Variants in CWF19L2 observed in about 807,000 individuals in gnomAD.
The protein encoded by CWF19L2 is CWF19-like protein 2.
A neutral mutation model predicts 111.7 loss-of-function variants in CWF19L2; 98 were observed. That is an observed-to-expected ratio of 0.88 (90% CI 0.75 to 1.04). CWF19L2 has a LOEUF of 1.04. Among genes scored for constraint, CWF19L2 ranks in the 50% least tolerant of loss-of-function variants. CWF19L2 has a pLI of 0.00. For synonymous variants in CWF19L2, 351 were observed against 342.9 expected (o/e 1.02, Z -0.26); for missense variants, 1,101 against 1,051.4 (o/e 1.05, Z -0.65).
At chr11:107,346,774 T>TA (rs1182186120) in intron 14 of CWF19L2, among the ~76,000 whole-genome samples, 5 of 152,204 alleles carry the variant, frequency 3.3e-5, no homozygotes, top group Non-Finnish European at 7.4e-5. Context: ...AAAGGTTACT[T>TA]AATGTCCGTA....
intron 3 of CWF19L2, among the ~76,000 whole-genome samples, chr11:107,445,360 C>T (rs1861686317): frequency 6.6e-6 from 1 of 152,146 alleles, no homozygotes; most frequent in Admixed American, 6.5e-5. Context: ...AATCCCAACA[C>T]TTTGGGAGGC....
intron 10 of CWF19L2, among the ~76,000 whole-genome samples, chr11:107,409,995 A>G (rs979973222): frequency 6.1e-4 from 93 of 152,142 alleles, no homozygotes; most frequent in Non-Finnish European, 2.2e-4. Flanking sequence ...CCCTCTAAAG[A>G]AGAGGGATAA....
At chr11:107,337,287 T>C (rs1014615479) in intron 14 of CWF19L2, among the ~76,000 whole-genome samples, 1 of 152,090 alleles carries the variant, frequency 6.6e-6, no homozygotes, top group Non-Finnish European at 1.5e-5. Context: ...TGAAAAGTAA[T>C]AGGGTTTTCT....
At chr11:107,339,999 G>A (rs985173799) in intron 14 of CWF19L2, among the ~76,000 whole-genome samples, 7 of 151,928 alleles carry the variant, frequency 4.6e-5, no homozygotes, top group African/African-American at 1.7e-4. Context: ...TCACTGTTTT[G>A]ACATTCTAGA....
Position 107,429,226 on chromosome 11 carries a change from C to T in CWF19L2, c.1006G>A (p.Glu336Lys). ...AAAGACCCAGGTCTCTTATCTTTTT[C>T]ATCACCAATAAATTTTTCATTATTG... ...NSNNEKFIGD[E>K]KDKRPGSLET... The change falls in exon 8 of 18, where the codon GAA (glutamate) becomes AAA (lysine). Residue 336 changes from glutamate (E) to lysine (K), a missense_variant. Glu to Lys is a moderately conservative substitution (Grantham distance 56). Transcript: ENST00000282251. 1 of 1,612,578 alleles carries T rather than the reference C, an allele frequency of 6.2e-7. No homozygotes were observed. Among genetic ancestry groups the T allele is most frequent in the Non-Finnish European group, 8.5e-7 (1 of 1,179,526 alleles).
intron 12 of CWF19L2, among the ~76,000 whole-genome samples, chr11:107,356,135 C>T (rs1443981067): frequency 6.6e-6 from 1 of 151,950 alleles, no homozygotes; most frequent in Non-Finnish European, 1.5e-5. Context: ...CTAAATGACC[C>T]ATGAATCAAC....
intron 12 of CWF19L2, among the ~76,000 whole-genome samples, chr11:107,361,477 T>C (rs79396853): frequency 2.6e-4 from 40 of 152,374 alleles, no homozygotes; most frequent in East Asian, 1.2e-3. Context: ...TGGTTCCATA[T>C]GAATTTTAAT....
At chr11:107,333,021 C>T (rs908668020) in intron 16 of CWF19L2, among the ~76,000 whole-genome samples, 3 of 150,964 alleles carry the variant, frequency 2.0e-5, no homozygotes, top group East Asian at 2.0e-4. Flanking sequence ...AAGAGGCAGA[C>T]GCAGGAGAAT....
intron 10 of CWF19L2, among the ~76,000 whole-genome samples, chr11:107,397,557 C>T (rs1860942509): frequency 6.6e-6 from 1 of 151,952 alleles, no homozygotes; most frequent in Admixed American, 6.6e-5. Flanking sequence ...CTAGCCCCGC[C>T]CCCACCTGAT....
At chr11:107,337,367 T>TTGTG (rs5794537) in intron 14 of CWF19L2, among the ~76,000 whole-genome samples, 3,297 of 148,172 alleles carry the variant, frequency 0.022, 44 homozygotes, top group East Asian at 0.034. Flanking sequence ...GGTGTGTGTT[T>TTGTG]TGTGTGTGTG....
At chr11:107,343,144 T>C (rs1310006605) in intron 14 of CWF19L2, among the ~76,000 whole-genome samples, 1 of 152,226 alleles carries the variant, frequency 6.6e-6, no homozygotes, top group African/African-American at 2.4e-5. Flanking sequence ...TGCAATGGTG[T>C]TTTTAAGTTC....
At chr11:107,412,091 G>GA (rs113943884) in intron 10 of CWF19L2, among the ~76,000 whole-genome samples, 3 of 152,000 alleles carry the variant, frequency 2.0e-5, no homozygotes, top group East Asian at 3.9e-4. Flanking sequence ...AAATCAAAGG[G>GA]AAAAAAATGT....
rs114968723 is a variant in CWF19L2 at position 107,445,972 on chromosome 11, C to G, written c.340-2923G>C. Among the ~76,000 whole-genome samples, 804 of 152,230 alleles carry G rather than the reference C, an allele frequency of 5.3e-3. 6 individuals carry two copies. The highest frequency in any genetic ancestry group is 0.017 in the African/African-American group (726 of 41,548). On this transcript the variant is annotated intron_variant, in intron 3 of 17. Coordinates refer to ENST00000282251, the MANE Select transcript of CWF19L2 (RefSeq NM_152434.3). ...GAAGTCAAGTTAAGAAAAAAAAGAG[C>G]ATCTTCTTTCCTGTTATCTGGACTA... is the stretch of plus-strand genomic sequence containing the variant.
At chr11:107,375,951 A>C (rs1322557530) in intron 12 of CWF19L2, among the ~76,000 whole-genome samples, 1 of 92,482 alleles carries the variant, frequency 1.1e-5, no homozygotes, top group Middle Eastern at 4.3e-3. Context: ...GATCCCACAG[A>C]AATACAAACT....
At chr11:107,383,611 T>C (rs946734460) in intron 12 of CWF19L2, among the ~76,000 whole-genome samples, 2 of 152,168 alleles carry the variant, frequency 1.3e-5, no homozygotes, top group African/African-American at 4.8e-5. Flanking sequence ...AGTTCATATT[T>C]GTCATGAGAT....
chr11:107,457,769 C>A lies in CWF19L2; in HGVS notation c.48G>T (p.Lys16Asn). The A allele has an allele frequency of 1.9e-6, 3 of 1,551,806 alleles. No homozygotes were observed. Among genetic ancestry groups the A allele is most frequent in the Non-Finnish European group, 2.6e-6 (3 of 1,147,014 alleles). Reference protein sequence around the residue: ...AAASGRFESAKSIEERKEQTR... With the variant: ...AAASGRFESANSIEERKEQTR... ...TCTGTTCTTTCCGCTCTTCGATACT[C>A]TTCGCACTTTCAAATCTACCACTAG... is the stretch of plus-strand genomic sequence containing the variant. Residue 16 changes from lysine to asparagine, a missense_variant, in exon 1 of 18, where the codon AAG (lysine) becomes AAT (asparagine). Transcript: ENST00000282251.
intron 16 of CWF19L2, among the ~76,000 whole-genome samples, chr11:107,332,689 T>C (rs989722559): frequency 6.6e-6 from 1 of 152,198 alleles, no homozygotes; most frequent in Non-Finnish European, 1.5e-5. Flanking sequence ...ATTGTTCATT[T>C]CATGTTCAAA....
chr11:107,329,396 A>C (rs2134516428), intron 17 of CWF19L2, among the ~76,000 whole-genome samples: 1 of 152,314 alleles, frequency 6.6e-6, no homozygotes, highest in Middle Eastern at 3.4e-3. Context: ...GCCTTGCTTA[A>C]TTATAAATGA....
chr11:107,429,022 C>T lies in CWF19L2; in HGVS notation c.1210G>A (p.Gly404Ser), dbSNP rs761259381. 6.8e-6 allele frequency: 11 copies of T among 1,613,724 alleles called. No homozygotes were observed. Among genetic ancestry groups the T allele is most frequent in the Non-Finnish European group, 8.5e-6 (10 of 1,179,780 alleles). Residue 404 changes from glycine to serine, a missense_variant, in exon 8 of 18, where the codon GGT becomes AGT. Gly to Ser is a moderately conservative substitution (Grantham distance 56, BLOSUM62 0). Coordinates refer to ENST00000282251, the MANE Select transcript of CWF19L2 (RefSeq NM_152434.3). ...ALVAQGSLCS[G>S]FRKPTKNSEE... ...CTGTTCTTGGTGGGTTTTCTAAAAC[C>T]ACTACACAAAGAGCCCTGAGCTACC...
Sources: allele counts gnomAD v4.1 joint callset (sites outside exome capture counted in the v4.1 genomes callset), GRCh38; gene constraint gnomAD v4.1.1; transcripts MANE v1.5; gene names NCBI Gene and HGNC (gene_info 2026-07-23, HGNC 2026-07-21).